The following BCKDHB variants were observed in gnomAD, a reference collection of about 807,000 sequenced individuals.
The protein encoded by BCKDHB is 2-oxoisovalerate dehydrogenase subunit beta, mitochondrial.
BCKDHB carries 41 observed loss-of-function variants against 48.5 expected under a neutral mutation model. The observed-to-expected ratio is 0.85, with a 90% CI of 0.66 to 1.10. The LOEUF is 1.10. Among genes scored for constraint, BCKDHB ranks in the 50% least tolerant of loss-of-function variants. The probability of loss-of-function intolerance (pLI) is 0.00; values close to 1 mark genes in which losing one functional copy is unlikely to be tolerated. For missense variants in BCKDHB, 496 were observed against 494.2 expected (o/e 1.00, Z -0.03); for synonymous variants, 201 against 174.8 (o/e 1.15, Z -1.18).
chr6:80,323,527 G>C (rs954324493), intron 9 of BCKDHB, among the ~76,000 whole-genome samples: 5 of 152,122 alleles, frequency 3.3e-5, no homozygotes, highest in African/African-American at 9.7e-5. Flanking sequence ...CTAGCGTATA[G>C]ACCAATTCAA....
At chr6:80,444,326 T>C in the BCKDHB span, among the ~76,000 whole-genome samples, 4 of 152,042 alleles carry the variant, frequency 2.6e-5, no homozygotes, top group Admixed American at 2.0e-4. Flanking sequence ...GAAGGAAGAA[T>C]GGAAGAGAAA....
At chr6:80,204,972 G>T (rs1217286332) in intron 8 of BCKDHB, among the ~76,000 whole-genome samples, 1 of 152,056 alleles carries the variant, frequency 6.6e-6, no homozygotes, top group African/African-American at 2.4e-5. Context: ...AGAAAGTGAT[G>T]CATCAGACCT....
At chr6:80,169,089 C>G (rs534500006) in intron 5 of BCKDHB, 59 bp downstream of exon 5, 1 of 1,571,648 alleles carries the variant, frequency 6.4e-7, no homozygotes, top group South Asian at 1.1e-5. Flanking sequence ...TTGATTCATT[C>G]TATTTAATAT....
At chr6:80,312,771 G>A (rs1005252801) in intron 9 of BCKDHB, among the ~76,000 whole-genome samples, 4 of 152,150 alleles carry the variant, frequency 2.6e-5, no homozygotes, top group Non-Finnish European at 5.9e-5. Context: ...TGCATCCCAC[G>A]GGTGAAGCCA....
chr6:80,183,049 A>G (rs1412175322), intron 6 of BCKDHB, among the ~76,000 whole-genome samples: 1 of 152,146 alleles, frequency 6.6e-6, no homozygotes, highest in Admixed American at 6.5e-5. Context: ...AAAAATGTTG[A>G]AGAAAACATC....
chr6:80,205,247 A>C (rs1008970938), intron 8 of BCKDHB, among the ~76,000 whole-genome samples: 2 of 151,938 alleles, frequency 1.3e-5, no homozygotes, highest in Non-Finnish European at 2.9e-5. Flanking sequence ...TTTTTCCCCC[A>C]GAGTGAAGCT....
chr6:80,108,134 C>G (rs143386039), intron 1 of BCKDHB, among the ~76,000 whole-genome samples: 59 of 151,972 alleles, frequency 3.9e-4, no homozygotes, highest in African/African-American at 1.3e-3. Context: ...ACAGTTTGAC[C>G]AAGATTACAC....
downstream of BCKDHB, among the ~76,000 whole-genome samples, chr6:80,349,305 G>T (rs1168492985): frequency 3.3e-5 from 5 of 152,078 alleles, no homozygotes; most frequent in Non-Finnish European, 1.5e-5. Flanking sequence ...TGCACAAATG[G>T]TCTATACTAA....
At chr6:80,187,900 A>G (rs1246413738) in intron 6 of BCKDHB, among the ~76,000 whole-genome samples, 1 of 152,218 alleles carries the variant, frequency 6.6e-6, no homozygotes, top group Non-Finnish European at 1.5e-5. Context: ...TGGTTTAGCC[A>G]TTGTGGAAAG....
chr6:80,147,947 G>A (rs1771569072), intron 3 of BCKDHB, among the ~76,000 whole-genome samples: 1 of 152,148 alleles, frequency 6.6e-6, no homozygotes, highest in Admixed American at 6.6e-5. Flanking sequence ...CAGAGCAGTG[G>A]TGAGGGGTTA....
At chr6:80,322,269 C>T (rs1768777856) in intron 9 of BCKDHB, among the ~76,000 whole-genome samples, 1 of 132,446 alleles carries the variant, frequency 7.6e-6, no homozygotes, top group Admixed American at 8.7e-5. Flanking sequence ...GACGGAGTCG[C>T]ACTTTGTTGC....
chr6:80,271,076 T>C (rs940997838), intron 8 of BCKDHB, among the ~76,000 whole-genome samples: 8 of 152,224 alleles, frequency 5.3e-5, no homozygotes, highest in Admixed American at 2.6e-4. Flanking sequence ...GAGAAACTAT[T>C]TTTGATATTT....
At chr6:80,351,915 G>A in the BCKDHB span, among the ~76,000 whole-genome samples, 3 of 150,308 alleles carry the variant, frequency 2.0e-5, no homozygotes, top group Admixed American at 6.7e-5. Context: ...TCTGCCTTCC[G>A]GGTTCAAGCG....
At chr6:80,446,842 T>G in the BCKDHB span, among the ~76,000 whole-genome samples, 3 of 151,840 alleles carry the variant, frequency 2.0e-5, no homozygotes, top group Middle Eastern at 3.4e-3. Context: ...AAGTGAAGTT[T>G]ATTGCATGGT....
At chr6:80,235,557 T>G (rs193125591) in intron 8 of BCKDHB, among the ~76,000 whole-genome samples, 26 of 152,346 alleles carry the variant, frequency 1.7e-4, no homozygotes, top group Admixed American at 1.7e-3. Flanking sequence ...GAGCTGGGAC[T>G]AAAAATCTAG....
At chr6:80,256,198 A>G (rs1777042858) in intron 8 of BCKDHB, among the ~76,000 whole-genome samples, 2 of 152,222 alleles carry the variant, frequency 1.3e-5, no homozygotes, top group Admixed American at 6.5e-5. Context: ...TTCTTTGTAT[A>G]TACACAGTAA....
intron 9 of BCKDHB, among the ~76,000 whole-genome samples, chr6:80,337,017 A>G (rs2128014420): frequency 6.6e-6 from 1 of 152,244 alleles, no homozygotes; most frequent in South Asian, 2.1e-4. Flanking sequence ...GAAAAATAAT[A>G]TTTTACATTC....
In BCKDHB at chr6:80,119,611, T is replaced by C. The variant is rs112539657; in HGVS notation, c.197-7936T>C. ...GTGCTGGGATTTCAAGTGTGAGCCA[T>C]CACGCCTGGCCAATGTTGACATTTT... On this transcript the variant is annotated intron_variant, in intron 1 of 9. Transcript: ENST00000320393. 3.7e-3 allele frequency among the ~76,000 whole-genome samples: 568 copies of C among 152,288 alleles called. 3 individuals carry two copies. The highest frequency in any genetic ancestry group is 0.013 in the African/African-American group (526 of 41,572).
intron 9 of BCKDHB, 171 bp from the exon 10 acceptor site, chr6:80,343,493 A>G: frequency 1.4e-6 from 1 of 700,596 alleles, no homozygotes; most frequent in Non-Finnish European, 2.4e-6. Context: ...TAAAACTGGG[A>G]TCATGCGAAC....
Sources: gnomAD v4.1 joint callset for allele counts (sites outside exome capture counted in the v4.1 genomes callset) on GRCh38, gnomAD v4.1.1 for gene constraint, MANE v1.5 for transcripts, NCBI Gene and HGNC (gene_info 2026-07-23, HGNC 2026-07-21) for gene names.